UNC5D: variants seen among roughly 807,000 people sequenced by gnomAD.
UNC5D encodes the protein netrin receptor UNC5D.
UNC5D carries 39 observed loss-of-function variants against 105.4 expected under a neutral mutation model. The observed-to-expected ratio is 0.37, with a 90% CI of 0.29 to 0.48. The LOEUF (loss-of-function observed/expected upper bound fraction) is 0.48. Ranked by LOEUF, UNC5D falls within the 20% of genes least tolerant of loss-of-function variation. UNC5D has a pLI of 0.98. For missense variants in UNC5D, 991 were observed against 1,202.4 expected (o/e 0.82, Z 2.60); for synonymous variants, 452 against 450.4 (o/e 1.00, Z -0.04).
intron 1 of UNC5D, among the ~76,000 whole-genome samples, chr8:35,546,032 C>T (rs911841910): frequency 1.3e-5 from 2 of 152,048 alleles, no homozygotes; most frequent in African/African-American, 2.4e-5. Flanking sequence ...GTAGCTGGGA[C>T]TACACGCATG....
intron 1 of UNC5D, among the ~76,000 whole-genome samples, chr8:35,444,231 G>T (rs1807628189): frequency 6.6e-6 from 1 of 151,918 alleles, no homozygotes; most frequent in Non-Finnish European, 1.5e-5. Flanking sequence ...ACAGTACTTG[G>T]TTTCATACTC....
At chr8:35,733,805 G>A (rs1216691884) in intron 11 of UNC5D, among the ~76,000 whole-genome samples, 1 of 152,140 alleles carries the variant, frequency 6.6e-6, no homozygotes, top group Non-Finnish European at 1.5e-5. Flanking sequence ...GTTAAAGAGG[G>A]GTACAGGGGT....
intron 11 of UNC5D, among the ~76,000 whole-genome samples, chr8:35,740,081 C>T (rs370952593): frequency 1.8e-4 from 27 of 152,224 alleles, no homozygotes; most frequent in African/African-American, 4.6e-4. Context: ...GGTTGGATTG[C>T]GTGGTGTCTG....
At chr8:35,691,041 G>C (rs1826355751) in intron 7 of UNC5D, among the ~76,000 whole-genome samples, 1 of 152,146 alleles carries the variant, frequency 6.6e-6, no homozygotes, top group Non-Finnish European at 1.5e-5. Context: ...TGTTGTCTCT[G>C]AGGGTTGCAT....
intron 1 of UNC5D, among the ~76,000 whole-genome samples, chr8:35,447,742 G>T (rs964697327): frequency 2.0e-5 from 3 of 151,908 alleles, no homozygotes; most frequent in African/African-American, 7.2e-5. Flanking sequence ...ACATAGCAAG[G>T]AAAAAATTAC....
intron 1 of UNC5D, among the ~76,000 whole-genome samples, chr8:35,521,131 T>G (rs1813434487): frequency 6.6e-6 from 1 of 152,088 alleles, no homozygotes; most frequent in Non-Finnish European, 1.5e-5. Flanking sequence ...TGTACAAATA[T>G]GAAATGTTTT....
At chr8:35,607,230 C>T (rs769728770) in intron 4 of UNC5D, among the ~76,000 whole-genome samples, 20 of 152,156 alleles carry the variant, frequency 1.3e-4, no homozygotes, top group Non-Finnish European at 2.1e-4. Context: ...TCAGAAAGCA[C>T]GTTTTCTTTT....
At chr8:35,681,593 G>A (rs550055224) in intron 4 of UNC5D, among the ~76,000 whole-genome samples, 6 of 152,170 alleles carry the variant, frequency 3.9e-5, no homozygotes, top group African/African-American at 1.2e-4. Context: ...ACAGAGCAGC[G>A]CTTTTTGGCT....
intron 1 of UNC5D, among the ~76,000 whole-genome samples, chr8:35,305,562 C>CCTTTCTTTCTTTCT (rs1554505690): frequency 1.6e-5 from 1 of 63,234 alleles, no homozygotes; most frequent in South Asian, 6.7e-4. Context: ...TCTCTTCCTT[C>CCTTTCTTTCTTTCT]CTTTCTTTCT....
rs1350293224 is a variant in UNC5D at position 35,761,569 on chromosome 8, T to C, written c.2313+2100T>C. Among the ~76,000 whole-genome samples, 4 of 152,148 alleles carry C rather than the reference T, an allele frequency of 2.6e-5. No individual in the cohort carries two copies. The East Asian group carries it at 7.7e-4, about 29-fold the overall frequency. On this transcript the variant is annotated intron_variant, in intron 14 of 16. Transcript: ENST00000404895. ...TGGAAGTTGTGAACATGTATAAATA[T>C]TTGCCTTTTGTAATTGAGCATAATT... is the stretch of plus-strand genomic sequence containing the variant.
chr8:35,608,660 A>G (rs939405332), intron 4 of UNC5D, among the ~76,000 whole-genome samples: 1 of 152,164 alleles, frequency 6.6e-6, no homozygotes, highest in African/African-American at 2.4e-5. Flanking sequence ...TTTAGCTCCA[A>G]CTTACATGTG....
intron 4 of UNC5D, among the ~76,000 whole-genome samples, chr8:35,627,734 G>C (rs1351526098): frequency 6.6e-6 from 1 of 152,088 alleles, no homozygotes; most frequent in Admixed American, 6.5e-5. Context: ...CTTGACACCA[G>C]CCTGGGCAAC....
chr8:35,361,716 T>A (rs1801864607), intron 1 of UNC5D, among the ~76,000 whole-genome samples: 1 of 152,156 alleles, frequency 6.6e-6, no homozygotes, highest in Admixed American at 6.5e-5. Context: ...TCCTCAGAGA[T>A]GAAATTTTCC....
At chr8:35,355,915 C>T (rs2128913701) in intron 1 of UNC5D, among the ~76,000 whole-genome samples, 1 of 152,194 alleles carries the variant, frequency 6.6e-6, no homozygotes, top group South Asian at 2.1e-4. Flanking sequence ...GGGGCCCTCA[C>T]CAGACACTAA....
chr8:35,424,671 G>T (rs182665627), intron 1 of UNC5D, among the ~76,000 whole-genome samples: 1 of 152,346 alleles, frequency 6.6e-6, no homozygotes, highest in Admixed American at 6.5e-5. Flanking sequence ...GTGATCTGGA[G>T]GTGACGCAGA....
intron 8 of UNC5D, among the ~76,000 whole-genome samples, chr8:35,717,300 T>C (rs1222922641): frequency 5.3e-5 from 8 of 152,334 alleles, no homozygotes; most frequent in Admixed American, 5.2e-4. Flanking sequence ...GTTAAGGTCA[T>C]AACATGAGCA....
In UNC5D at chr8:35,469,614, C is replaced by G. The variant is rs77623614; in HGVS notation, c.104-79678C>G. Among the ~76,000 whole-genome samples the G allele has an allele frequency of 7.1e-3, 1,084 of 152,240 alleles. 41 individuals carry two copies. The East Asian group carries it at 0.1, about 14-fold the overall frequency. ...TTTACCTTTCCAGAGCACGATAATA[C>G]CAACTGCTCAATTACTTTGCAGAGA... On this transcript the variant is annotated intron_variant, in intron 1 of 16. Coordinates refer to ENST00000404895, the MANE Select transcript of UNC5D (RefSeq NM_080872.4).
At chr8:35,314,592 A>T (rs1036633708) in intron 1 of UNC5D, among the ~76,000 whole-genome samples, 1 of 152,146 alleles carries the variant, frequency 6.6e-6, no homozygotes, top group Admixed American at 6.5e-5. Context: ...TAATTTATTT[A>T]AAAAATCTTA....
At chr8:35,681,784 T>A (rs555829919) in intron 4 of UNC5D, among the ~76,000 whole-genome samples, 2 of 152,320 alleles carry the variant, frequency 1.3e-5, no homozygotes, top group Non-Finnish European at 2.9e-5. Flanking sequence ...TTCTTTCAAA[T>A]TAACCTCTTC....
Sources: allele counts gnomAD v4.1 joint callset (sites outside exome capture counted in the v4.1 genomes callset), GRCh38; gene constraint gnomAD v4.1.1; transcripts MANE v1.5; gene names NCBI Gene and HGNC (gene_info 2026-07-23, HGNC 2026-07-21).